Variants in UBXN7 observed in about 807,000 individuals in gnomAD.
UBXN7 encodes UBX domain protein 7, also known as UBX domain-containing protein 7.
UBXN7 carries 9 observed loss-of-function variants against 58.0 expected under a neutral mutation model. The observed-to-expected ratio is 0.16, with a 90% CI of 0.09 to 0.27. The LOEUF (loss-of-function observed/expected upper bound fraction) is 0.27. Among genes scored for constraint, UBXN7 ranks in the 10% least tolerant of loss-of-function variants. UBXN7 has a pLI of 1.00. For missense variants in UBXN7, 328 were observed against 599.6 expected, an observed-to-expected ratio of 0.55 and a Z score of 4.73; for synonymous variants, 208 against 205.0, an observed-to-expected ratio of 1.01 and a Z score of -0.12.
At position 196,398,251 on chromosome 3, in the gene UBXN7, G is replaced by GTC. The variant is rs1320201272; in HGVS notation, c.290-4633_290-4632insGA. On this transcript the variant is annotated intron_variant, in intron 3 of 10. Transcript: ENST00000296328. ...TGACATGTTGACCACACCTTTGTAG[G>GTC]AGACCCTAACCAAAGGCCACACCCA... Among the ~76,000 whole-genome samples, 410 of 152,216 alleles carry GTC rather than the reference G, an allele frequency of 2.7e-3. 2 individuals carry two copies. The highest frequency in any genetic ancestry group is 4.4e-3 in the Non-Finnish European group (297 of 67,996).
At chr3:196,393,715 T>C (rs934434415) in intron 3 of UBXN7, 96 bp from the exon 4 acceptor site, 19 of 1,240,576 alleles carry the variant, frequency 1.5e-5, no homozygotes, top group Admixed American at 2.3e-5. Context: ...TAATAAAACA[T>C]ATGAAACCCT....
chr3:196,372,204 G>A (rs1048513005), intron 5 of UBXN7, among the ~76,000 whole-genome samples, 162 bp from the exon 6 acceptor site: 1 of 151,550 alleles, frequency 6.6e-6, no homozygotes, highest in East Asian at 1.9e-4. Flanking sequence ...TATTTACTTC[G>A]CATATGCATT....
chr3:196,397,016 C>T (rs1729797275), intron 3 of UBXN7, among the ~76,000 whole-genome samples: 1 of 152,108 alleles, frequency 6.6e-6, no homozygotes, highest in South Asian at 2.1e-4. Context: ...GGGCTAATAA[C>T]CCTCTTCCCA....
At chr3:196,393,088 A>G (rs1729636341) in intron 4 of UBXN7, among the ~76,000 whole-genome samples, 1 of 152,224 alleles carries the variant, frequency 6.6e-6, no homozygotes, top group African/African-American at 2.4e-5. Flanking sequence ...AAAGCATAAG[A>G]CCAAGATTCT....
At chr3:196,357,121 C>T (rs6805994) in intron 10 of UBXN7, among the ~76,000 whole-genome samples, 75,701 of 152,042 alleles carry the variant, frequency 0.5, 19,354 homozygotes, top group East Asian at 0.89. Context: ...AGTCACTATT[C>T]ATAAAATTAA....
chr3:196,351,662 T>C lies in UBXN7; in HGVS notation c.*5023A>G, dbSNP rs1167835799. ...CTGAGAACTATTAATCTAGTCCAAT[T>C]ATCTCATTTTTCAGACGAGAAACCA... On this transcript the variant is annotated 3_prime_UTR_variant, in exon 11 of 11. Transcript: ENST00000296328. The C allele has an allele frequency of 1.3e-5, 2 of 152,162 alleles. No homozygotes were observed. The highest frequency in any genetic ancestry group is 4.8e-5 in the African/African-American group (2 of 41,426). The allele number at this position is 152,162 out of a possible 1,614,324, so 9.4% of individuals were successfully genotyped here. A position where few individuals can be genotyped will look rare whatever the true frequency, so the allele number is the denominator to read the frequency against.
At chr3:196,421,292 C>G (rs1560244537) in intron 1 of UBXN7, among the ~76,000 whole-genome samples, 1 of 152,152 alleles carries the variant, frequency 6.6e-6, no homozygotes, top group Non-Finnish European at 1.5e-5. Flanking sequence ...GAGTTCCAGG[C>G]CCTGTTCTGC....
At chr3:196,414,401 T>A (rs1336635088) in intron 1 of UBXN7, among the ~76,000 whole-genome samples, 3 of 152,200 alleles carry the variant, frequency 2.0e-5, no homozygotes, top group African/African-American at 7.2e-5. Context: ...CAATTGTCTG[T>A]CTTCCTATTT....
At chr3:196,386,079 C>A (rs550987599) in intron 5 of UBXN7, among the ~76,000 whole-genome samples, 1 of 152,002 alleles carries the variant, frequency 6.6e-6, no homozygotes, top group African/African-American at 2.4e-5. Context: ...GACCTTACCC[C>A]CAACCCCATG....
At chr3:196,368,272 CTCTT>C (rs1728723811) in intron 7 of UBXN7, 117 bp from the exon 8 acceptor site, 1 of 1,049,008 alleles carries the variant, frequency 9.5e-7, no homozygotes, top group East Asian at 2.7e-5. Context: ...CATTAAGTAT[CTCTT>C]TCAGCATATG....
intron 1 of UBXN7, among the ~76,000 whole-genome samples, chr3:196,407,793 T>C (rs564139348): frequency 6.6e-5 from 10 of 152,300 alleles, no homozygotes; most frequent in African/African-American, 2.4e-4. Flanking sequence ...TTAGCATTTC[T>C]GTTTCTGTTA....
At chr3:196,396,983 C>T (rs1338363105) in intron 3 of UBXN7, among the ~76,000 whole-genome samples, 1 of 152,166 alleles carries the variant, frequency 6.6e-6, no homozygotes, top group Non-Finnish European at 1.5e-5. Flanking sequence ...TGCTATCCTT[C>T]TACCCAATTC....
intron 1 of UBXN7, among the ~76,000 whole-genome samples, chr3:196,424,549 A>T (rs1730788654): frequency 6.7e-6 from 1 of 149,464 alleles, no homozygotes; most frequent in African/African-American, 2.5e-5. Context: ...GGCCCAGTTA[A>T]TTTTTTTTTA....
chr3:196,392,702 C>A (rs1372308709), intron 4 of UBXN7, among the ~76,000 whole-genome samples: 1 of 151,998 alleles, frequency 6.6e-6, no homozygotes, highest in Non-Finnish European at 1.5e-5. Flanking sequence ...ACTTGGGAGG[C>A]TGAGGCAGGA....
chr3:196,410,007 C>T, intron 1 of UBXN7, among the ~76,000 whole-genome samples: 1 of 148,302 alleles, frequency 6.7e-6, no homozygotes, highest in East Asian at 2.0e-4. Flanking sequence ...ATGGTGCGAT[C>T]TTGGCTCACT....
At chr3:196,390,898 T>C (rs1729562431) in intron 5 of UBXN7, among the ~76,000 whole-genome samples, 1 of 152,166 alleles carries the variant, frequency 6.6e-6, no homozygotes, top group African/African-American at 2.4e-5. Context: ...TCATTTAACA[T>C]ATGTGTTCCT....
chr3:196,347,967 CA>C lies in UBXN7; in HGVS notation c.*8717del, dbSNP rs1728125367. ...AAACCAGAGGATCCCCAACTGACAGCAAGATCCTCCTTCTGGAAATTATTAC... is the reference window on the plus strand; with the variant it reads ...AAACCAGAGGATCCCCAACTGACAGCAGATCCTCCTTCTGGAAATTATTAC... On this transcript the variant is annotated 3_prime_UTR_variant, in exon 11 of 11. Coordinates refer to ENST00000296328, the MANE Select transcript of UBXN7 (RefSeq NM_015562.2). 6.6e-6 allele frequency: 1 copy of C among 151,886 alleles called. No individual in the cohort carries two copies. 9.4% of individuals were successfully genotyped at this position (151,886 alleles called of 1,614,324 possible). A position where few individuals can be genotyped will look rare whatever the true frequency, so the allele number is the denominator to read the frequency against.
chr3:196,402,556 G>A (rs1365668508), intron 3 of UBXN7, among the ~76,000 whole-genome samples: 1 of 152,178 alleles, frequency 6.6e-6, no homozygotes, highest in Non-Finnish European at 1.5e-5. Flanking sequence ...TCACATGAAT[G>A]AGGGGTTACT....
chr3:196,431,420 T>C (rs961386159), intron 1 of UBXN7: 4 of 152,716 alleles, frequency 2.6e-5, no homozygotes, highest in African/African-American at 9.7e-5. Context: ...ATAGAATGGC[T>C]TTAGGGCCTT....
Sources: allele counts gnomAD v4.1 joint callset (sites outside exome capture counted in the v4.1 genomes callset), GRCh38; gene constraint gnomAD v4.1.1; transcripts MANE v1.5; gene names NCBI Gene and HGNC (gene_info 2026-07-23, HGNC 2026-07-21).